Variants in SLC19A1 observed in about 807,000 individuals in gnomAD.
SLC19A1 encodes the protein solute carrier family 19 member 1.
SLC19A1 carries 37 observed loss-of-function variants against 35.3 expected under a neutral mutation model. The ratio of observed to expected loss-of-function variants is 1.05; its 90% CI spans 0.81 to 1.38. The LOEUF (loss-of-function observed/expected upper bound fraction) is 1.38, where lower values mean the gene tolerates loss of function less well. SLC19A1 is among the 40% of genes most tolerant of loss of function. The pLI is 0.00. For missense variants in SLC19A1, 831 were observed against 826.9 expected, an observed-to-expected ratio of 1.00 and a Z score of -0.06; for synonymous variants, 460 against 398.5, an observed-to-expected ratio of 1.15 and a Z score of -1.84.
At chr21:45,547,322 T>A (rs1443799711), upstream of SLC19A1, among the ~76,000 whole-genome samples, 3 of 152,132 alleles carry the variant, frequency 2.0e-5, no homozygotes, top group African/African-American at 7.2e-5. Flanking sequence ...AACAGACCAC[T>A]CCTCTGGGCA....
intron 3 of SLC19A1, chr21:45,504,347 G>A (rs2037051971): frequency 6.6e-7 from 1 of 1,517,566 alleles, no homozygotes; most frequent in Middle Eastern, 1.8e-4. Flanking sequence ...CCTGGCTCGG[G>A]GGGATGGGAG....
intron 5 of SLC19A1, among the ~76,000 whole-genome samples, chr21:45,516,764 G>A (rs1227143626): frequency 6.6e-6 from 1 of 152,180 alleles, no homozygotes; most frequent in Admixed American, 6.5e-5. Context: ...ATTCCCGGAG[G>A]TGCAGAGGGT....
Position 45,534,689 on chromosome 21 carries a change from T to C in SLC19A1, c.190-2541A>G. ...CCCAGAGCCCTCCCGCTCCTCTCCC[T>C]GCACCTCCTCAACGGCCCCTACTCC... On this transcript the variant is annotated intron_variant, in intron 2 of 5. Coordinates refer to ENST00000311124, the MANE Select transcript of SLC19A1 (RefSeq NM_194255.4). The surrounding 1 kb of genome is among the most constrained non-coding windows in gnomAD (Gnocchi z 4.2). 1 of 1,147,278 alleles carries C rather than the reference T, an allele frequency of 8.7e-7. No homozygotes were observed. 71.1% of individuals were successfully genotyped at this position (1,147,278 alleles called of 1,614,324 possible). A position where few individuals can be genotyped will look rare whatever the true frequency, so the allele number is the denominator to read the frequency against.
chr21:45,511,187 TCTC>T (rs760149649), downstream of SLC19A1: 6 of 1,599,306 alleles, frequency 3.8e-6, no homozygotes, highest in Non-Finnish European at 5.1e-6. Flanking sequence ...GCACGCATCT[TCTC>T]CTTTGACGGC....
chr21:45,506,786 T>A (rs1413686227), intron 3 of SLC19A1: 1 of 43,478 alleles, frequency 2.3e-5, no homozygotes, highest in Non-Finnish European at 4.5e-5. Flanking sequence ...CCACCTTCCC[T>A]CTGGAGCCCT....
chr21:45,502,857 C>A (rs1373307850), intron 3 of SLC19A1: 4 of 152,200 alleles, frequency 2.6e-5, no homozygotes, highest in Non-Finnish European at 5.9e-5. Flanking sequence ...TTTCTCAGCA[C>A]GTCTCCCACG....
In SLC19A1 at chr21:45,538,001, C is replaced by T. The variant is rs756980831; in HGVS notation, c.-42G>A. ...GCAGCTCCGGAGGGGACGAAGGTGA[C>T]GCTGTGCCTGGAAGGAGGGGTGGAG... On this transcript the variant is annotated 5_prime_UTR_variant, in exon 2 of 6. Transcript: ENST00000311124. The T allele has an allele frequency of 2.5e-5, 36 of 1,451,970 alleles. No homozygotes were observed. The highest frequency in any genetic ancestry group is 2.8e-5 in the Non-Finnish European group (31 of 1,094,958). 89.9% of individuals were successfully genotyped at this position (1,451,970 alleles called of 1,614,324 possible).
chr21:45,526,792 G>A lies in SLC19A1; in HGVS notation c.1152-834C>T, dbSNP rs563370626. On this transcript the variant is annotated intron_variant, in intron 4 of 5. Coordinates refer to ENST00000311124, the MANE Select transcript of SLC19A1 (RefSeq NM_194255.4). The stretch of plus-strand genomic sequence containing the variant: ...TCACCATGTTGGCCAGGCTGGTCTC[G>A]AGCTCCTGGCCTCAGGTGATCCACC... Among the ~76,000 whole-genome samples, 21 of 152,314 alleles carry A rather than the reference G, an allele frequency of 1.4e-4. No individual in the cohort carries two copies. The East Asian group carries it at 3.7e-3, about 27-fold the overall frequency.
chr21:45,512,359 G>A, downstream of SLC19A1: 1 of 1,612,760 alleles, frequency 6.2e-7, no homozygotes, highest in Non-Finnish European at 8.5e-7. Context: ...CCTACATCGT[G>A]CTCTGCATTG....
At chr21:45,528,113 C>T (rs1169818970) in intron 4 of SLC19A1, among the ~76,000 whole-genome samples, 3 of 150,804 alleles carry the variant, frequency 2.0e-5, no homozygotes, top group South Asian at 2.1e-4. Flanking sequence ...GGCAGGCAGG[C>T]CGGCAGCAGG....
downstream of SLC19A1, chr21:45,509,618 A>G: frequency 7.3e-7 from 1 of 1,363,938 alleles, no homozygotes; most frequent in Non-Finnish European, 1.0e-6. Flanking sequence ...GCCCCCCCAA[A>G]GTGGGCTTGG....
In SLC19A1 at chr21:45,534,467, CAG is replaced by C. The variant is rs1353394273; in HGVS notation, c.190-2321_190-2320del. 4 of 1,205,216 alleles carry C rather than the reference CAG, an allele frequency of 3.3e-6. No homozygotes were observed. In the African/African-American group the frequency reaches 6.0e-5, roughly 18 times the overall value. The allele number at this position is 1,205,216 out of a possible 1,614,324, so 74.7% of individuals were successfully genotyped here. ...CAGAGTCAAAATGGTAGACAGCCAGCAGAGAGGCTCTCCCCAGACCCCACGGC... is the reference window on the plus strand; with the variant it reads ...CAGAGTCAAAATGGTAGACAGCCAGCAGAGGCTCTCCCCAGACCCCACGGC... On this transcript the variant is annotated intron_variant, in intron 2 of 5. Coordinates refer to ENST00000311124, the MANE Select transcript of SLC19A1 (RefSeq NM_194255.4). This position sits in a 1 kb window ranked among gnomAD's most constrained non-coding sequence, Gnocchi z 4.2.
chr21:45,505,315 C>T lies in SLC19A1; in HGVS notation c.498-6703G>A, dbSNP rs570169093. On this transcript the variant is annotated intron_variant, in intron 3 of 4. Transcript: ENST00000417954. ...GGGAGTGGGCCCCGGGCAGAGGCCGCCTCGTGTGGCTTCGTGTTCCCACCT... is the reference window on the plus strand; with the variant it reads ...GGGAGTGGGCCCCGGGCAGAGGCCGTCTCGTGTGGCTTCGTGTTCCCACCT... 8.1e-6 allele frequency: 13 copies of T among 1,600,012 alleles called. No homozygotes were observed. In the East Asian group the frequency reaches 2.9e-4, roughly 36 times the overall value.
Position 45,515,837 on chromosome 21 carries a change from C to T in SLC19A1, c.1597G>A (p.Ala533Thr). The change falls in exon 6 of 6, where the codon GCA (alanine) becomes ACA (threonine). Residue 533 changes from alanine to threonine, a missense_variant. Physicochemically the swap from Ala to Thr is moderately conservative, Grantham distance 58. Coordinates refer to ENST00000311124, the MANE Select transcript of SLC19A1 (RefSeq NM_194255.4). ...PYLAQAPAPQ[A>T]AEFLSPVTTP... ...GTCACTGGGCTCAGGAATTCAGCTGCCTGCGGGGCCGGGGCCTGGGCCAGG... is the reference window on the plus strand; with the variant it reads ...GTCACTGGGCTCAGGAATTCAGCTGTCTGCGGGGCCGGGGCCTGGGCCAGG... 1 of 1,603,756 alleles carries T rather than the reference C, an allele frequency of 6.2e-7. No individual in the cohort carries two copies. Among genetic ancestry groups the T allele is most frequent in the Non-Finnish European group, 8.5e-7 (1 of 1,173,872 alleles).
chr21:45,549,309 G>C (rs188208769), upstream of SLC19A1, among the ~76,000 whole-genome samples: 33 of 152,248 alleles, frequency 2.2e-4, no homozygotes, highest in African/African-American at 7.0e-4. Context: ...AAGGAGGCAG[G>C]TGAGCAGGTG....
chr21:45,529,656 G>A (rs560773337), intron 4 of SLC19A1, among the ~76,000 whole-genome samples: 83 of 151,500 alleles, frequency 5.5e-4, no homozygotes, highest in South Asian at 8.4e-4. Flanking sequence ...GTCCATGTGT[G>A]AACGTGTGGT....
intron 2 of SLC19A1, among the ~76,000 whole-genome samples, chr21:45,536,772 G>A (rs946145556): frequency 6.6e-5 from 10 of 152,180 alleles, no homozygotes; most frequent in South Asian, 4.1e-4. Flanking sequence ...AGCAGAGGAC[G>A]GGGTCAGCGG....
chr21:45,551,094 C>T (rs1680743945), intron 1 of SLC19A1, among the ~76,000 whole-genome samples: 1 of 151,608 alleles, frequency 6.6e-6, no homozygotes, highest in East Asian at 1.9e-4. Flanking sequence ...CTCTGTTCCT[C>T]TTATTTTCTT....
chr21:45,531,399 G>A lies in SLC19A1; in HGVS notation c.939C>T (p.Ser313=), dbSNP rs1181073923. Residue 313 remains serine, a synonymous_variant, in exon 3 of 6, where the codon TCC becomes TCT. Coordinates refer to ENST00000311124, the MANE Select transcript of SLC19A1 (RefSeq NM_194255.4). ...RVYNGAADAA[S]TLLGAITSFA... ...CCAGGGCATGCGTACCCAGCAGCGT[G>A]GAGGCAGCATCTGCCGCGCCGTTGT... The A allele has an allele frequency of 2.5e-6, 4 of 1,583,268 alleles. No individual in the cohort carries two copies. The highest frequency in any genetic ancestry group is 3.4e-6 in the Non-Finnish European group (4 of 1,163,350).
Sources: allele counts gnomAD v4.1 joint callset (sites outside exome capture counted in the v4.1 genomes callset), GRCh38; gene constraint gnomAD v4.1.1; non-coding constraint Gnocchi (gnomAD v3.1); transcripts MANE v1.5; gene names NCBI Gene and HGNC (gene_info 2026-07-23, HGNC 2026-07-21).